The following CFAP126 variants were observed in gnomAD, a reference collection of about 807,000 sequenced individuals.
CFAP126 encodes the protein protein Flattop.
In CFAP126, 21 loss-of-function variants were observed where a neutral mutation model predicts 17.1. The observed-to-expected ratio is 1.23, with a 90% CI of 0.87 to 1.77. The LOEUF is 1.77. Among genes scored for constraint, CFAP126 ranks in the 40% most tolerant of loss-of-function variants. The pLI is 0.00. For missense variants in CFAP126, 174 were observed against 215.4 expected (o/e 0.81, Z 1.20); for synonymous variants, 65 against 73.5 (o/e 0.88, Z 0.59).
At chr1:161,366,033 C>G in intron 3 of CFAP126, 165 bp downstream of exon 3, 1 of 675,784 alleles carries the variant, frequency 1.5e-6, no homozygotes, top group Non-Finnish European at 2.6e-6. Context: ...AAACACAACT[C>G]TATCCTGCTG....
intron 1 of CFAP126, chr1:161,367,608 T>G (rs1672777102): frequency 2.4e-6 from 1 of 408,622 alleles, no homozygotes; most frequent in Non-Finnish European, 4.3e-6. Flanking sequence ...ATTTTTACAC[T>G]CCGCCCTTTT....
At chr1:161,366,010 T>C in intron 3 of CFAP126, 188 bp downstream of exon 3, 1 of 632,560 alleles carries the variant, frequency 1.6e-6, no homozygotes, top group South Asian at 1.9e-5. Flanking sequence ...TTTAAGAACT[T>C]CTGAAGGGTG....
In CFAP126 at chr1:161,365,593, T is replaced by G. The variant is rs769700368; in HGVS notation, c.281A>C (p.Lys94Thr). Residue 94 changes from lysine to threonine, a missense_variant, in exon 4 of 5, where the codon AAA becomes ACA. Coordinates refer to ENST00000367974, the MANE Select transcript of CFAP126 (RefSeq NM_001013625.4). ...TAAATCAGGATTTTTCTGTATCCAT[T>G]TGGTGAGGGAGGCAGCACCAGCAGT... is the stretch of plus-strand genomic sequence containing the variant. ...RTTAGAASLT[K>T]WIQKNPDLLK... 4 of 1,614,130 alleles carry G rather than the reference T, an allele frequency of 2.5e-6. No individual in the cohort carries two copies. The highest frequency in any genetic ancestry group is 1.7e-5 in the Admixed American group (1 of 60,018).
chr1:161,366,491 G>C lies in CFAP126; in HGVS notation c.38C>G (p.Ala13Gly). Residue 13 changes from alanine to glycine, a missense_variant, in exon 2 of 5, where the codon GCT (alanine) becomes GGT (glycine). Transcript: ENST00000367974. Reference sequence around the variant, plus strand: ...GTTCTGCAGATACTTGGATGAGAAAGCCTTTTCATACTGTGGAGAGAAAGA... The same window carrying C: ...GTTCTGCAGATACTTGGATGAGAAACCCTTTTCATACTGTGGAGAGAAAGA... ...TNYSANQYEKAFSSKYLQNWS... is the reference protein window; with the variant it reads ...TNYSANQYEKGFSSKYLQNWS... 1.9e-6 allele frequency: 3 copies of C among 1,614,050 alleles called. No individual in the cohort carries two copies. Among genetic ancestry groups the C allele is most frequent in the Middle Eastern group, 1.6e-4 (1 of 6,062 alleles).
In CFAP126 at chr1:161,364,920, G is replaced by A. The variant is rs1672673334; in HGVS notation, c.*45C>T. On this transcript the variant is annotated 3_prime_UTR_variant, in exon 5 of 5. Transcript: ENST00000367974. ...GTATTTCTGGACCTCAGCTAGATTA[G>A]GCCCTGCCCAGAGTTCTAGCATACG... 1.9e-6 allele frequency: 3 copies of A among 1,567,378 alleles called. 1 individual carries two copies. Among genetic ancestry groups the A allele is most frequent in the African/African-American group, 2.7e-5 (2 of 73,540 alleles).
rs780687466 is a variant in CFAP126 at position 161,365,056 on chromosome 1, G to A, written c.443C>T (p.Pro148Leu). 1 of 1,614,122 alleles carries A rather than the reference G, an allele frequency of 6.2e-7. No homozygotes were observed. Among genetic ancestry groups the A allele is most frequent in the Non-Finnish European group, 8.5e-7 (1 of 1,179,978 alleles). Residue 148 changes from proline to leucine, a missense_variant, in exon 5 of 5, where the codon CCA becomes CTA. Physicochemically the swap from Pro to Leu is moderately conservative, Grantham distance 98. Transcript: ENST00000367974. ...ARSPTIIPSS[P>L]AANLNSPDEL... ...ATCTGGGGAATTGAGGTTGGCAGCT[G>A]GGGAGCTTGGAATTATGGTTGGACT...
Position 161,367,857 on chromosome 1 carries a change from G to A in CFAP126, c.12C>T (p.Asn4=). 1 of 1,614,042 alleles carries A rather than the reference G, an allele frequency of 6.2e-7. No individual in the cohort carries two copies. The highest frequency in any genetic ancestry group is 8.5e-7 in the Non-Finnish European group (1 of 1,179,908). MAT[N]YSANQYEKAF... is the part of the protein sequence containing the mutation. ...GGGAACTTACCTGGTTGGCACTGTA[G>A]TTAGTGGCCATGATCTTGTGCTGTT... The change falls in exon 1 of 5, where the codon AAC becomes AAT. Residue 4 remains asparagine, a synonymous_variant. Coordinates refer to ENST00000367974, the MANE Select transcript of CFAP126 (RefSeq NM_001013625.4).
At chr1:161,366,559 G>T in intron 1 of CFAP126, 58 bp from the exon 2 acceptor site, 1 of 1,462,356 alleles carries the variant, frequency 6.8e-7, no homozygotes, top group South Asian at 1.1e-5. Context: ...CCCAGGAAAT[G>T]AAGACTAGGC....
chr1:161,366,050 C>G (rs1048923325), intron 3 of CFAP126, 148 bp downstream of exon 3: 28 of 715,264 alleles, frequency 3.9e-5, no homozygotes, highest in Middle Eastern at 7.0e-4. Flanking sequence ...GCTGGGTAAG[C>G]TGGCCGGAAG....
chr1:161,366,802 T>A, intron 1 of CFAP126: 1 of 351,568 alleles, frequency 2.8e-6, no homozygotes, highest in Non-Finnish European at 5.3e-6. Flanking sequence ...TGAGATAGGA[T>A]CTTGGTCTGC....
rs1222783092 is a variant in CFAP126, at chr1:161,365,128, TTCTGACTG to T, written c.363_370del (p.Asp121GlufsTer34). Reference sequence around the variant, plus strand: ...TGTGATAGACTTCTTTCTGAGTTTCTTCTGACTGTCTGGATCATGGGGCTGTCAGTGAT... The same window carrying T: ...TGTGATAGACTTCTTTCTGAGTTTCTTCTGGATCATGGGGCTGTCAGTGAT... On this transcript the variant is annotated frameshift_variant, in exon 5 of 5. Coordinates refer to ENST00000367974, the MANE Select transcript of CFAP126 (RefSeq NM_001013625.4). LOFTEE classifies it low-confidence loss of function (END_TRUNC). The T allele has an allele frequency of 6.2e-7, 1 of 1,614,190 alleles. No individual in the cohort carries two copies. Among genetic ancestry groups the T allele is most frequent in the South Asian group, 1.1e-5 (1 of 91,074 alleles).
intron 3 of CFAP126, chr1:161,365,948 C>T (rs762271956): frequency 2.2e-4 from 135 of 604,140 alleles, no homozygotes; most frequent in Non-Finnish European, 3.6e-4. Context: ...GGAGTACCCA[C>T]TGCACAAATG....
rs1672681847 is a variant in CFAP126, at chr1:161,365,103, T to C, written c.396A>G (p.Thr132=). 6.2e-7 allele frequency: 1 copy of C among 1,614,160 alleles called. No homozygotes were observed. The highest frequency in any genetic ancestry group is 1.3e-5 in the African/African-American group (1 of 75,030). The change falls in exon 5 of 5, where the codon ACA becomes ACG. Residue 132 remains threonine, a synonymous_variant. Coordinates refer to ENST00000367974, the MANE Select transcript of CFAP126 (RefSeq NM_001013625.4). ...GACTTCGTGCTTGTTGTACAGTCTT[T>C]GTGATAGACTTCTTTCTGAGTTTCT... ...SQKKLRKKSI[T]KTVQQARSPT... is the part of the protein sequence containing the mutation.
intron 3 of CFAP126, chr1:161,365,972 G>C: frequency 3.3e-6 from 2 of 606,864 alleles, no homozygotes; most frequent in Non-Finnish European, 5.8e-6. Context: ...TCACCTGAAG[G>C]CTTTCATTTA....
At position 161,365,400 on chromosome 1, in the gene CFAP126, C is replaced by T. The variant is rs1672693012; in HGVS notation, c.348+126G>A. 6.8e-6 allele frequency: 8 copies of T among 1,182,868 alleles called. No individual in the cohort carries two copies. The Admixed American group carries it at 1.2e-4, about 17-fold the overall frequency. 73.3% of individuals were successfully genotyped at this position (1,182,868 alleles called of 1,614,324 possible). On this transcript the variant is annotated intron_variant, in intron 4 of 4. Transcript: ENST00000367974. ...CCTCAGAAGGTGATTAAGGACTAGT[C>T]AAGATAAGACAAATTGGTTAGAGGT... is the stretch of plus-strand genomic sequence containing the variant.
chr1:161,364,821 CT>C lies in CFAP126; in HGVS notation c.*143del. The C allele has an allele frequency of 1.3e-6, 1 of 799,710 alleles. No homozygotes were observed. The highest frequency in any genetic ancestry group is 1.9e-6 in the Non-Finnish European group (1 of 517,762). 49.5% of individuals were successfully genotyped at this position (799,710 alleles called of 1,614,324 possible). On this transcript the variant is annotated 3_prime_UTR_variant, in exon 5 of 5. Coordinates refer to ENST00000367974, the MANE Select transcript of CFAP126 (RefSeq NM_001013625.4). ...TGTTTCACAGTTCTGACTGGGGGCTCTTGTTTATTTCACTGAGTCGCTATAC... is the reference window on the plus strand; with the variant it reads ...TGTTTCACAGTTCTGACTGGGGGCTCTGTTTATTTCACTGAGTCGCTATAC...
In CFAP126 at chr1:161,365,651, G is replaced by GTA; in HGVS notation, c.221_222dup (p.Pro75TyrfsTer6). On this transcript the variant is annotated frameshift_variant, in exon 4 of 5. Transcript: ENST00000367974. LOFTEE classifies it high-confidence loss of function. ...GAGGTCAGGGTCACCCGAGCAGGGG[G>GTA]TATCTTCAGAGGCATTTGCCAGGTG... is the stretch of plus-strand genomic sequence containing the variant. The GTA allele has an allele frequency of 2.5e-6, 4 of 1,613,058 alleles. No individual in the cohort carries two copies. The highest frequency in any genetic ancestry group is 3.4e-6 in the Non-Finnish European group (4 of 1,179,520).
chr1:161,367,806 A>G (rs1672787599), intron 1 of CFAP126, 36 bp downstream of exon 1: 4 of 1,592,764 alleles, frequency 2.5e-6, no homozygotes, highest in Non-Finnish European at 2.6e-6. Context: ...TGAAAAACAA[A>G]AGTAAACGTT....
intron 3 of CFAP126, 40 bp from the exon 4 acceptor site, chr1:161,365,742 C>T: frequency 6.7e-7 from 1 of 1,501,776 alleles, no homozygotes; most frequent in Admixed American, 2.2e-5. Flanking sequence ...GCTTCTCACT[C>T]CCAGTAACTG....
Sources: gnomAD v4.1 joint callset for allele counts on GRCh38, gnomAD v4.1.1 for gene constraint, MANE v1.5 for transcripts, NCBI Gene and HGNC (gene_info 2026-07-23, HGNC 2026-07-21) for gene names.